The following CYSLTR1 variants were observed in gnomAD, a reference collection of about 807,000 sequenced individuals.
CYSLTR1 encodes G-protein coupled receptor HG55.
In CYSLTR1, 1 loss-of-function variant was observed where a neutral mutation model predicts 2.1. That is an observed-to-expected ratio of 0.48 (90% CI 0.17 to 2.28). CYSLTR1 has a LOEUF of 2.28. CYSLTR1 is among the 30% of genes most tolerant of loss of function. The pLI, the probability that CYSLTR1 is intolerant of heterozygous loss-of-function variation, is 0.26. For missense variants in CYSLTR1, 299 were observed against 250.1 expected, an observed-to-expected ratio of 1.20 and a Z score of -1.32; for synonymous variants, 110 against 89.6, an observed-to-expected ratio of 1.23 and a Z score of -1.28.
At chrX:78,312,363 T>C in intron 1 of CYSLTR1, among the ~76,000 whole-genome samples, 1 of 111,774 alleles carries the variant, frequency 8.9e-6, no homozygotes, top group East Asian at 2.8e-4. Context: ...ACCTCGAACC[T>C]TAAAATACTA....
At chrX:78,282,780 T>C (rs1921893367) in intron 2 of CYSLTR1, among the ~76,000 whole-genome samples, 1 of 111,646 alleles carries the variant, frequency 9.0e-6, no homozygotes, top group Non-Finnish European at 1.9e-5. Context: ...AGACTAATCA[T>C]TTGTCCATTA....
At chrX:78,326,109 G>A (rs1017225979) in intron 1 of CYSLTR1, among the ~76,000 whole-genome samples, 1 of 111,556 alleles carries the variant, frequency 9.0e-6, no homozygotes, top group Admixed American at 9.5e-5. Flanking sequence ...CAATACTTAG[G>A]GGAACTGGGG....
At chrX:78,303,724 G>A (rs1922917015) in intron 1 of CYSLTR1, among the ~76,000 whole-genome samples, 1 of 111,893 alleles carries the variant, frequency 8.9e-6, no homozygotes, top group Non-Finnish European at 1.9e-5. Flanking sequence ...CGTGGACAAA[G>A]ACAATAAACA....
Position 78,273,234 on chromosome X carries a change from G to T in CYSLTR1, c.513C>A (p.Thr171=), listed in dbSNP as rs1471183197. The change falls in exon 3 of 3, where the codon ACC becomes ACA. Residue 171 remains threonine (T), a synonymous_variant. Coordinates refer to ENST00000373304, the MANE Select transcript of CYSLTR1 (RefSeq NM_006639.4). ...TGTCTTGTGGGGGCTCAAAGCACTTGGTATTATTTTTCTCATCTTTTTGTG... is the reference window on the plus strand; with the variant it reads ...TGTCTTGTGGGGGCTCAAAGCACTTTGTATTATTTTTCTCATCTTTTTGTG... ...AKPQKDEKNN[T]KCFEPPQDNQ... is the part of the protein sequence containing the mutation. 8.3e-7 allele frequency: 1 copy of T among 1,207,982 alleles called. No individual in the cohort carries two copies. The highest frequency in any genetic ancestry group is 1.1e-6 in the Non-Finnish European group (1 of 894,534).
At chrX:78,320,135 C>A (rs767178469) in intron 1 of CYSLTR1, 3 of 111,805 alleles carry the variant, frequency 2.7e-5, no homozygotes, top group East Asian at 5.6e-4. Flanking sequence ...TTGTCAATTT[C>A]GGCTTTTGTT....
chrX:78,314,666 CA>C (rs1185253165), intron 1 of CYSLTR1, among the ~76,000 whole-genome samples: 1 of 110,941 alleles, frequency 9.0e-6, no homozygotes, highest in East Asian at 2.9e-4. Context: ...CCTATTAGAG[CA>C]GAAAGAAGAA....
chrX:78,323,982 T>C (rs1923765612), intron 1 of CYSLTR1, among the ~76,000 whole-genome samples: 1 of 111,865 alleles, frequency 8.9e-6, no homozygotes, highest in Non-Finnish European at 1.9e-5. Context: ...CTTCCTAACT[T>C]ATCCCCCAAA....
chrX:78,321,368 C>T (rs751746551), intron 1 of CYSLTR1: 1 of 110,255 alleles, frequency 9.1e-6, no homozygotes, highest in South Asian at 3.8e-4. Flanking sequence ...ATTGAATCTA[C>T]ACATTTGGGC....
intron 1 of CYSLTR1, among the ~76,000 whole-genome samples, chrX:78,293,594 C>A (rs1351995145): frequency 1.8e-5 from 2 of 112,039 alleles, no homozygotes; most frequent in African/African-American, 6.5e-5. Context: ...GTTCCATTCT[C>A]CCCGTCATGT....
At position 78,273,592 on chromosome X, in the gene CYSLTR1, T is replaced by G. The variant is rs1921422849; in HGVS notation, c.155A>C (p.Tyr52Ser). ...TACTTGGAAGGCTGACTTCTTGTGA[T>G]AGGTTTTTATGAGGACATAGAGCAC... ...GFVLYVLIKT[Y>S]HKKSAFQVYM... The change falls in exon 3 of 3, where the codon TAT becomes TCT. Residue 52 changes from tyrosine to serine, a missense_variant. Transcript: ENST00000373304. 1.7e-6 allele frequency: 2 copies of G among 1,209,732 alleles called. No homozygotes were observed. The highest frequency in any genetic ancestry group is 3.5e-5 in the African/African-American group (2 of 57,136).
chrX:78,293,943 A>G (rs1922465627), intron 1 of CYSLTR1, among the ~76,000 whole-genome samples: 1 of 111,605 alleles, frequency 9.0e-6, no homozygotes, highest in Non-Finnish European at 1.9e-5. Flanking sequence ...TTTAGCTCGG[A>G]GAAGTTTGTT....
chrX:78,277,821 A>G (rs1336933820), intron 2 of CYSLTR1, among the ~76,000 whole-genome samples: 1 of 112,229 alleles, frequency 8.9e-6, no homozygotes, highest in Non-Finnish European at 1.9e-5. Context: ...CTACACAAAC[A>G]AGAAAGAACC....
chrX:78,311,806 C>A (rs889471149), intron 1 of CYSLTR1, among the ~76,000 whole-genome samples: 5 of 111,345 alleles, frequency 4.5e-5, no homozygotes, highest in East Asian at 5.6e-4. Context: ...AAGAGAATAA[C>A]AAAACACTGC....
At chrX:78,323,326 G>A (rs1308337788) in intron 1 of CYSLTR1, among the ~76,000 whole-genome samples, 1 of 112,089 alleles carries the variant, frequency 8.9e-6, no homozygotes, top group Non-Finnish European at 1.9e-5. Flanking sequence ...TTGGCATTTA[G>A]ATGTCTGGCT....
rs756849067 is a variant in CYSLTR1 at position 78,273,442 on chromosome X, G to A, written c.305C>T (p.Ala102Val). 16 of 1,209,887 alleles carry A rather than the reference G, an allele frequency of 1.3e-5. No homozygotes were observed. Among genetic ancestry groups the A allele is most frequent in the Non-Finnish European group, 1.8e-5 (16 of 895,189 alleles). The change falls in exon 3 of 3, where the codon GCT (alanine) becomes GTT (valine). Residue 102 changes from alanine to valine, a missense_variant. Coordinates refer to ENST00000373304, the MANE Select transcript of CYSLTR1 (RefSeq NM_006639.4). ...GCTACAATAGAGGTTGACATACAAA[G>A]CATAGGTGCTGAGGCGGCACAAGAA... is the stretch of plus-strand genomic sequence containing the variant. ...GDFLCRLSTYALYVNLYCSIF... is the reference protein window; with the variant it reads ...GDFLCRLSTYVLYVNLYCSIF...
intron 1 of CYSLTR1, among the ~76,000 whole-genome samples, chrX:78,292,415 C>T (rs1217915454): frequency 3.0e-4 from 33 of 111,770 alleles, no homozygotes; most frequent in African/African-American, 8.8e-4. Flanking sequence ...AGAATAAGTG[C>T]GATGTGGTGC....
At chrX:78,297,308 T>C (rs758001658) in intron 1 of CYSLTR1, among the ~76,000 whole-genome samples, 2 of 111,770 alleles carry the variant, frequency 1.8e-5, no homozygotes, top group Non-Finnish European at 3.8e-5. Context: ...TATTGATGAT[T>C]TTTGCATCAA....
rs372597227 is a variant in CYSLTR1, at chrX:78,273,068, T to C, written c.679A>G (p.Ser227Gly). Reference sequence around the variant, plus strand: ...ATCATTCCTATAGCCTTTTTATGACTTGACAGATTTTTTTTCATTGATTTT... The same window carrying C: ...ATCATTCCTATAGCCTTTTTATGACCTGACAGATTTTTTTTCATTGATTTT... ...LKKSMKKNLS[S>G]HKKAIGMIMV... Residue 227 changes from serine (S) to glycine (G), a missense_variant, in exon 3 of 3, where the codon AGT becomes GGT. Ser to Gly is a moderately conservative substitution (Grantham distance 56, BLOSUM62 0). Transcript: ENST00000373304. 18 of 1,208,829 alleles carry C rather than the reference T, an allele frequency of 1.5e-5. No individual in the cohort carries two copies. The highest frequency in any genetic ancestry group is 1.8e-5 in the South Asian group (1 of 56,670).
intron 1 of CYSLTR1, among the ~76,000 whole-genome samples, chrX:78,289,279 C>A (rs1172246375): frequency 2.7e-5 from 3 of 111,668 alleles, no homozygotes; most frequent in Non-Finnish European, 5.6e-5. Context: ...CATGTCCCTG[C>A]AAAGGACATG....
Sources: allele counts gnomAD v4.1 joint callset (sites outside exome capture counted in the v4.1 genomes callset), GRCh38; gene constraint gnomAD v4.1.1; transcripts MANE v1.5; gene names NCBI Gene and HGNC (gene_info 2026-07-23, HGNC 2026-07-21).